Variants in CDK19 observed in about 807,000 individuals in gnomAD.
CDK19 encodes the protein cyclin dependent kinase 19.
A neutral mutation model predicts 68.3 loss-of-function variants in CDK19; 20 were observed. That is an observed-to-expected ratio of 0.29 (90% CI 0.21 to 0.43). The LOEUF is 0.43. CDK19 is among the 20% of genes least tolerant of loss of function. CDK19 has a pLI of 1.00. For synonymous variants in CDK19, 221 were observed against 222.8 expected, an observed-to-expected ratio of 0.99 and a Z score of 0.07; for missense variants, 339 against 623.5, an observed-to-expected ratio of 0.54 and a Z score of 4.86.
rs1328429619 is a variant in CDK19, at chr6:110,667,427, T to C, written c.456+7A>G. 6.5e-7 allele frequency: 1 copy of C among 1,542,900 alleles called. No individual in the cohort carries two copies. The highest frequency in any genetic ancestry group is 8.8e-7 in the Non-Finnish European group (1 of 1,140,972). On this transcript the variant is annotated splice_region_variant and intron_variant, in intron 4 of 12. Transcript: ENST00000368911. ...CATATTGATGAATTTAAAAGAAAAA[T>C]ACTTACCAAGTCTCTGTGAAGCACC...
intron 1 of CDK19, among the ~76,000 whole-genome samples, chr6:110,808,640 A>G (rs1412823843): frequency 2.0e-5 from 3 of 152,232 alleles, no homozygotes; most frequent in South Asian, 2.1e-4. Context: ...GAAGGCTTGC[A>G]TTACAAAAAT....
intron 2 of CDK19, among the ~76,000 whole-genome samples, chr6:110,676,815 A>G (rs555438321): frequency 1.4e-4 from 22 of 152,326 alleles, no homozygotes; most frequent in African/African-American, 5.3e-4. Context: ...GAAACCAAAA[A>G]CTTTGAGTGA....
intron 4 of CDK19, among the ~76,000 whole-genome samples, chr6:110,639,720 T>G (rs1412820582): frequency 6.6e-6 from 1 of 152,198 alleles, no homozygotes; most frequent in Non-Finnish European, 1.5e-5. Flanking sequence ...CAAAAAGCAC[T>G]TAAAAAACAA....
At chr6:110,760,233 T>C (rs1399590394) in intron 1 of CDK19, among the ~76,000 whole-genome samples, 1 of 151,294 alleles carries the variant, frequency 6.6e-6, no homozygotes, top group Non-Finnish European at 1.5e-5. Context: ...CCATCTCTAC[T>C]AAAACTACAA....
At chr6:110,637,705 C>T (rs1394866246) in intron 5 of CDK19, among the ~76,000 whole-genome samples, 2 of 152,196 alleles carry the variant, frequency 1.3e-5, no homozygotes, top group African/African-American at 4.8e-5. Context: ...ATAGGCCTAG[C>T]GTGGTGGCTC....
Position 110,815,204 on chromosome 6 carries a change from CCCGCGACCG to C in CDK19, c.-77_-69del. The C allele has an allele frequency of 6.9e-7, 1 of 1,452,374 alleles. No individual in the cohort carries two copies. The highest frequency in any genetic ancestry group is 1.4e-5 in the South Asian group (1 of 71,812). 90.0% of individuals were successfully genotyped at this position (1,452,374 alleles called of 1,614,324 possible). On this transcript the variant is annotated 5_prime_UTR_variant, in exon 1 of 13. Transcript: ENST00000368911. Reference sequence around the variant, plus strand: ...CCGCTCAGTCCCTCCTCCTCCTCCCCCCGCGACCGCCGCTCCACTTCTCCAACAGCCGCC... The same window carrying C: ...CCGCTCAGTCCCTCCTCCTCCTCCCCCCGCTCCACTTCTCCAACAGCCGCC...
chr6:110,796,102 G>A (rs1781919250), intron 1 of CDK19, among the ~76,000 whole-genome samples: 1 of 152,184 alleles, frequency 6.6e-6, no homozygotes, highest in Non-Finnish European at 1.5e-5. Flanking sequence ...ACTTTGGGAG[G>A]CCAAGACAGG....
rs1047107409 is a variant in CDK19, at chr6:110,614,018, C to T, written c.*517G>A. 1 of 152,710 alleles carries T rather than the reference C, an allele frequency of 6.5e-6. No individual in the cohort carries two copies. The highest frequency in any genetic ancestry group is 1.5e-5 in the Non-Finnish European group (1 of 68,098). The allele number at this position is 152,710 out of a possible 1,614,324, so 9.5% of individuals were successfully genotyped here. ...ATAGTAAAGTACTTTGGGACAGTAA[C>T]AGTTTCTGTTTAAGACTTCCATGAG... On this transcript the variant is annotated 3_prime_UTR_variant, in exon 13 of 13. Transcript: ENST00000368911.
In CDK19 at chr6:110,621,090, C is replaced by T. The variant is rs1447485520; in HGVS notation, c.1377+14G>A. On this transcript the variant is annotated intron_variant, in intron 12 of 12. Transcript: ENST00000368911. The surrounding 1 kb of genome is among the most constrained non-coding windows in gnomAD (Gnocchi z 5.4). ...CTTCATAAAGCATATGAACATTAGA[C>T]ATTCAGGGAGTACCTGATAATCCGA... 1.6e-5 allele frequency: 26 copies of T among 1,604,854 alleles called. No individual in the cohort carries two copies. In the East Asian group the frequency reaches 4.9e-4, roughly 30 times the overall value.
At chr6:110,646,859 G>A (rs1582768782) in intron 4 of CDK19, among the ~76,000 whole-genome samples, 1 of 152,026 alleles carries the variant, frequency 6.6e-6, no homozygotes, top group African/African-American at 2.4e-5. Context: ...GGGGCTCCCC[G>A]GCAGGTGAGA....
chr6:110,695,124 G>A (rs778363698), intron 2 of CDK19, among the ~76,000 whole-genome samples: 1 of 151,292 alleles, frequency 6.6e-6, no homozygotes, highest in Non-Finnish European at 1.5e-5. Flanking sequence ...AAGGAGAAAG[G>A]GTAAAGGGGA....
At chr6:110,802,171 C>CCA (rs1348838375) in intron 1 of CDK19, among the ~76,000 whole-genome samples, 12 of 152,286 alleles carry the variant, frequency 7.9e-5, no homozygotes, top group African/African-American at 2.6e-4. Flanking sequence ...CCCAGCAATC[C>CCA]CATTACTAGG....
At chr6:110,723,135 C>CA (rs760048229) in intron 2 of CDK19, among the ~76,000 whole-genome samples, 25,182 of 63,914 alleles carry the variant, frequency 0.39, 3,277 homozygotes, top group East Asian at 0.59. Context: ...AAGGCTTTGT[C>CA]AAAAAAAACA....
intron 8 of CDK19, 178 bp from the exon 9 acceptor site, chr6:110,623,540 C>A: frequency 2.6e-6 from 1 of 383,964 alleles, no homozygotes; most frequent in South Asian, 1.1e-4. Flanking sequence ...GGAACTGTCA[C>A]ACACAACATG....
At chr6:110,789,461 T>C (rs773387487) in intron 1 of CDK19, among the ~76,000 whole-genome samples, 1 of 152,160 alleles carries the variant, frequency 6.6e-6, no homozygotes, top group Non-Finnish European at 1.5e-5. Flanking sequence ...GTATTTTTAG[T>C]AGAGACGGGG....
chr6:110,703,112 C>A (rs775804739), intron 2 of CDK19, among the ~76,000 whole-genome samples: 44 of 152,144 alleles, frequency 2.9e-4, no homozygotes, highest in Non-Finnish European at 5.6e-4. Context: ...ATTAGTGAAT[C>A]ATGAAATCCA....
chr6:110,688,611 T>C (rs1772709460), intron 2 of CDK19, among the ~76,000 whole-genome samples: 1 of 152,038 alleles, frequency 6.6e-6, no homozygotes, highest in African/African-American at 2.4e-5. Flanking sequence ...CTCCAAGATA[T>C]ACATCCCCAC....
At chr6:110,698,375 T>C (rs989453841) in intron 2 of CDK19, among the ~76,000 whole-genome samples, 3 of 150,736 alleles carry the variant, frequency 2.0e-5, no homozygotes, top group Non-Finnish European at 4.4e-5. Context: ...CAAAAGAAGA[T>C]ATACAAATGG....
At chr6:110,700,530 G>A (rs905354907) in intron 2 of CDK19, 12 of 152,152 alleles carry the variant, frequency 7.9e-5, no homozygotes, top group African/African-American at 2.4e-4. Flanking sequence ...TCTCACTGAG[G>A]AACAGGTCAG....
Sources: gnomAD v4.1 joint callset for allele counts (sites outside exome capture counted in the v4.1 genomes callset) on GRCh38, gnomAD v4.1.1 for gene constraint, Gnocchi (gnomAD v3.1) non-coding constraint, MANE v1.5 for transcripts, NCBI Gene and HGNC (gene_info 2026-07-23, HGNC 2026-07-21) for gene names.